Variants in DTNB observed in about 807,000 individuals in gnomAD.
DTNB encodes DTN-B.
Under a neutral mutation model 90.7 loss-of-function variants are expected in DTNB, and 63 were observed. The observed-to-expected ratio is 0.69, with a 90% CI of 0.57 to 0.86. The LOEUF (loss-of-function observed/expected upper bound fraction) is 0.86. DTNB is among the 40% of genes least tolerant of loss of function. The pLI is 0.00. For missense variants in DTNB, 744 were observed against 807.1 expected (o/e 0.92, Z 0.95); for synonymous variants, 277 against 286.7 (o/e 0.97, Z 0.34).
intron 10 of DTNB, among the ~76,000 whole-genome samples, chr2:25,458,846 C>T (rs192060126): frequency 9.9e-5 from 15 of 152,186 alleles, no homozygotes; most frequent in African/African-American, 3.1e-4. Flanking sequence ...GGGGTTTCAC[C>T]GTGTTAGCCA....
chr2:25,446,430 T>C (rs1390302543), intron 12 of DTNB, among the ~76,000 whole-genome samples: 1 of 151,980 alleles, frequency 6.6e-6, no homozygotes, highest in African/African-American at 2.4e-5. Context: ...TAACTTTTCA[T>C]CTTTTAGTAG....
intron 6 of DTNB, among the ~76,000 whole-genome samples, chr2:25,592,994 G>T (rs895410945): frequency 6.6e-6 from 1 of 152,082 alleles, no homozygotes; most frequent in Admixed American, 6.6e-5. Context: ...ACTAGATATC[G>T]GATCCAGGGG....
intron 9 of DTNB, among the ~76,000 whole-genome samples, chr2:25,523,942 C>A (rs1406684905): frequency 6.8e-6 from 1 of 147,434 alleles, no homozygotes; most frequent in Non-Finnish European, 1.5e-5. Flanking sequence ...CCTCTTCTTG[C>A]CCAAGCTGGA....
chr2:25,548,470 G>A (rs1261092228), intron 8 of DTNB, among the ~76,000 whole-genome samples: 2 of 151,764 alleles, frequency 1.3e-5, no homozygotes, highest in Admixed American at 6.6e-5. Context: ...TGGTCAGGGA[G>A]GCTTCTTCCT....
intron 13 of DTNB, 80 bp from the exon 14 acceptor site, chr2:25,433,079 A>G: frequency 7.3e-7 from 1 of 1,364,236 alleles, no homozygotes; most frequent in African/African-American, 1.5e-5. Context: ...CAACTTTTCA[A>G]CTCTAGCAGT....
At position 25,397,507 on chromosome 2, in the gene DTNB, G is replaced by C. The variant is rs187701783; in HGVS notation, c.1576-9146C>G. On this transcript the variant is annotated intron_variant, in intron 16 of 20. Coordinates refer to ENST00000406818, the MANE Select transcript of DTNB (RefSeq NM_021907.5). ...ATAAGAATCTCTGAGGGCTGGTTTC[G>C]AGTTTGCCTGGAAATGCCTAGATTA... Among the ~76,000 whole-genome samples the C allele has an allele frequency of 5.3e-5, 8 of 152,238 alleles. No individual in the cohort carries two copies. In the East Asian group the frequency reaches 1.5e-3, roughly 29 times the overall value.
intron 9 of DTNB, among the ~76,000 whole-genome samples, chr2:25,496,091 T>C (rs2068771315): frequency 6.6e-6 from 1 of 152,184 alleles, no homozygotes; most frequent in Non-Finnish European, 1.5e-5. Flanking sequence ...AATATCTCTC[T>C]AGCTCTAGAA....
At chr2:25,563,941 A>G (rs940155597) in intron 8 of DTNB, among the ~76,000 whole-genome samples, 8 of 151,910 alleles carry the variant, frequency 5.3e-5, no homozygotes, top group African/African-American at 1.7e-4. Flanking sequence ...CCCAGGCTGC[A>G]GGCTGGAGTG....
chr2:25,610,172 G>A (rs1330577991), intron 4 of DTNB, among the ~76,000 whole-genome samples: 1 of 152,054 alleles, frequency 6.6e-6, no homozygotes, highest in Non-Finnish European at 1.5e-5. Context: ...ATACAGTGGC[G>A]TGATCACAGC....
intron 8 of DTNB, among the ~76,000 whole-genome samples, chr2:25,539,958 A>G (rs2080824102): frequency 6.6e-6 from 1 of 152,194 alleles, no homozygotes; most frequent in Non-Finnish European, 1.5e-5. Context: ...TTAATAGTCC[A>G]TTATTTAATA....
At chr2:25,625,555 T>C (rs1232525183) in intron 4 of DTNB, among the ~76,000 whole-genome samples, 53 of 144,158 alleles carry the variant, frequency 3.7e-4, no homozygotes, top group African/African-American at 1.2e-3. Flanking sequence ...TCACTCATTT[T>C]TTTTTTTTTT....
At chr2:25,457,159 G>A (rs1174364275) in intron 10 of DTNB, among the ~76,000 whole-genome samples, 2 of 151,976 alleles carry the variant, frequency 1.3e-5, no homozygotes, top group South Asian at 2.1e-4. Flanking sequence ...ATAGGCGTGC[G>A]CCACCACGCC....
intron 6 of DTNB, among the ~76,000 whole-genome samples, chr2:25,591,585 A>G (rs2063584326): frequency 6.6e-6 from 1 of 152,202 alleles, no homozygotes; most frequent in Non-Finnish European, 1.5e-5. Flanking sequence ...GTCGAAAGTC[A>G]GTTAGTTTGT....
chr2:25,652,878 G>A, intron 1 of DTNB: 2 of 459,974 alleles, frequency 4.3e-6, no homozygotes, highest in Non-Finnish European at 7.6e-6. Context: ...ATACTTGTAT[G>A]AGCTCATACA....
At chr2:25,635,917 T>C (rs982256671) in intron 3 of DTNB, among the ~76,000 whole-genome samples, 3 of 152,150 alleles carry the variant, frequency 2.0e-5, no homozygotes, top group Admixed American at 6.5e-5. Context: ...CTGGTATTGG[T>C]AGAAGGATAG....
intron 2 of DTNB, among the ~76,000 whole-genome samples, chr2:25,639,520 A>G (rs577216618): frequency 6.6e-6 from 1 of 152,182 alleles, no homozygotes; most frequent in East Asian, 1.9e-4. Flanking sequence ...GCCTCTGCAC[A>G]TAAGTGTCCT....
In DTNB at chr2:25,388,209, G is replaced by A. The variant is rs373793984; in HGVS notation, c.1728C>T (p.Phe576=). 3.2e-5 allele frequency: 50 copies of A among 1,571,352 alleles called. 1 individual carries two copies. Among genetic ancestry groups the A allele is most frequent in the South Asian group, 1.5e-4 (13 of 85,878 alleles). Residue 576 remains phenylalanine, a synonymous_variant, in exon 17 of 21, where the codon TTC becomes TTT. Transcript: ENST00000406818. The stretch of plus-strand genomic sequence containing the variant: ...TCTGCTCCAGAAACTCACCTTGTGC[G>A]AAGGCCTCCTGCACGTCTCCCCCGA... The part of the protein sequence containing the change: ...SGVGGDVQEA[F]AQGTRRNLRN...
intron 8 of DTNB, among the ~76,000 whole-genome samples, chr2:25,533,413 C>G (rs1032210145): frequency 6.6e-6 from 1 of 152,182 alleles, no homozygotes; most frequent in Admixed American, 6.5e-5. Flanking sequence ...TAGAAATTCT[C>G]AACTTCTCCC....
chr2:25,667,219 T>G (rs1191714799), intron 1 of DTNB, among the ~76,000 whole-genome samples: 1 of 151,684 alleles, frequency 6.6e-6, no homozygotes, highest in African/African-American at 2.4e-5. Context: ...CTGGGTGTGG[T>G]GGCTCACGTC....
Sources: gnomAD v4.1 joint callset for allele counts (sites outside exome capture counted in the v4.1 genomes callset) on GRCh38, gnomAD v4.1.1 for gene constraint, MANE v1.5 for transcripts, NCBI Gene and HGNC (gene_info 2026-07-23, HGNC 2026-07-21) for gene names.